The following SNX30 variants were observed in gnomAD, a reference collection of about 807,000 sequenced individuals.
SNX30 encodes sorting nexin-30.
SNX30 carries 24 observed loss-of-function variants against 46.4 expected under a neutral mutation model. The observed-to-expected ratio is 0.52, with a 90% CI of 0.37 to 0.73. The LOEUF is 0.73. SNX30 is among the 30% of genes least tolerant of loss of function. The pLI, the probability that SNX30 is intolerant of heterozygous loss-of-function variation, is 0.00. For synonymous variants in SNX30, 189 were observed against 211.5 expected (o/e 0.89, Z 0.92); for missense variants, 533 against 555.7 (o/e 0.96, Z 0.41).
At chr9:112,760,645 A>T (rs751553762) in intron 1 of SNX30, among the ~76,000 whole-genome samples, 1 of 152,222 alleles carries the variant, frequency 6.6e-6, no homozygotes, top group African/African-American at 2.4e-5. Context: ...CGACTGTGCC[A>T]GCTGTGCCTG....
chr9:112,773,494 A>G (rs1180761148), intron 1 of SNX30, among the ~76,000 whole-genome samples: 4 of 152,102 alleles, frequency 2.6e-5, no homozygotes, highest in African/African-American at 9.7e-5. Flanking sequence ...GGCTCAAGCA[A>G]TCTTCCCAAG....
chr9:112,830,677 T>G (rs764716055), intron 3 of SNX30, 48 bp from the exon 4 acceptor site: 35 of 1,571,058 alleles, frequency 2.2e-5, no homozygotes, highest in Non-Finnish European at 1.3e-5. Context: ...TGTTTTTCCT[T>G]GCACCATCTC....
chr9:112,865,329 C>A (rs1841307417), intron 8 of SNX30, among the ~76,000 whole-genome samples: 1 of 151,966 alleles, frequency 6.6e-6, no homozygotes, highest in African/African-American at 2.4e-5. Flanking sequence ...GTATGTCCAG[C>A]AAACCAGTGC....
chr9:112,781,108 A>G (rs1276663264), intron 1 of SNX30, among the ~76,000 whole-genome samples: 2 of 152,218 alleles, frequency 1.3e-5, no homozygotes, highest in Admixed American at 1.3e-4. Context: ...GGTGTCCTGA[A>G]TATATTTTTA....
At chr9:112,863,675 G>C (rs995746783) in intron 7 of SNX30, among the ~76,000 whole-genome samples, 1 of 152,290 alleles carries the variant, frequency 6.6e-6, no homozygotes, top group East Asian at 1.9e-4. Context: ...ATTGGGAAAA[G>C]CATAAACAAG....
chr9:112,850,721 A>G (rs1242330441), intron 6 of SNX30, 138 bp from the exon 7 acceptor site: 2 of 516,386 alleles, frequency 3.9e-6, no homozygotes, highest in Non-Finnish European at 7.0e-6. Flanking sequence ...CCATGGCCAG[A>G]CTGTCCTAGG....
At chr9:112,820,348 A>G (rs1012982005) in intron 3 of SNX30, among the ~76,000 whole-genome samples, 2 of 152,168 alleles carry the variant, frequency 1.3e-5, no homozygotes, top group African/African-American at 4.8e-5. Flanking sequence ...CATCCGCTAC[A>G]AAAAAATTTT....
chr9:112,846,509 C>T (rs773136365), intron 6 of SNX30, among the ~76,000 whole-genome samples: 1 of 152,132 alleles, frequency 6.6e-6, no homozygotes, highest in East Asian at 1.9e-4. Context: ...GTGATATCAC[C>T]AGTACCAGAT....
intron 1 of SNX30, among the ~76,000 whole-genome samples, chr9:112,755,142 T>TTGTACTG (rs1310674642): frequency 4.6e-5 from 7 of 152,194 alleles, no homozygotes; most frequent in Non-Finnish European, 8.8e-5. Context: ...TTCAGCAAGT[T>TTGTACTG]TGTACTGTAT....
At chr9:112,779,179 G>A (rs1416741141) in intron 1 of SNX30, among the ~76,000 whole-genome samples, 1 of 152,350 alleles carries the variant, frequency 6.6e-6, no homozygotes, top group East Asian at 1.9e-4. Flanking sequence ...TTGCCTGTGA[G>A]GGCTCTAGCT....
chr9:112,864,170 A>G (rs1009770015), intron 7 of SNX30, 77 bp from the exon 8 acceptor site: 2 of 1,465,834 alleles, frequency 1.4e-6, no homozygotes, highest in African/African-American at 1.4e-5. Flanking sequence ...CCTTTGACAA[A>G]TGTGTGCTCA....
intron 6 of SNX30, among the ~76,000 whole-genome samples, chr9:112,848,651 G>C (rs567680686): frequency 1.3e-5 from 2 of 152,346 alleles, no homozygotes; most frequent in South Asian, 2.1e-4. Flanking sequence ...ATGCAGGGCT[G>C]TTAGGGCGGA....
intron 8 of SNX30, among the ~76,000 whole-genome samples, chr9:112,865,661 A>ATATATAATGTGTG: frequency 8.5e-5 from 9 of 105,702 alleles, no homozygotes; most frequent in African/African-American, 3.0e-4. Context: ...ATATATATAT[A>ATATATAATGTGTG]TGTATGTATG....
Position 112,795,746 on chromosome 9 carries a change from A to G in SNX30, c.157-9030A>G, listed in dbSNP as rs75597303. Among the ~76,000 whole-genome samples, 531 of 136,736 alleles carry G rather than the reference A, an allele frequency of 3.9e-3. 4 individuals are homozygous for G. The highest frequency in any genetic ancestry group is 0.015 in the African/African-American group (520 of 35,770). The allele number at this position is 136,736 out of a possible 152,430, so 89.7% of individuals were successfully genotyped here. A position where few individuals can be genotyped will look rare whatever the true frequency, so the allele number is the denominator to read the frequency against. ...TGGGGAGACAGAAAGATAATCACAC[A>G]CACACACTCACAGTACAGTCACACA... On this transcript the variant is annotated intron_variant, in intron 1 of 8. Coordinates refer to ENST00000374232, the MANE Select transcript of SNX30 (RefSeq NM_001012994.2).
At chr9:112,818,302 A>G (rs1319457836) in intron 3 of SNX30, among the ~76,000 whole-genome samples, 1 of 151,186 alleles carries the variant, frequency 6.6e-6, no homozygotes, top group Admixed American at 6.6e-5. Context: ...CCCAGGTTCA[A>G]GTGGATCACC....
intron 1 of SNX30, among the ~76,000 whole-genome samples, chr9:112,793,682 A>G (rs1244192429): frequency 1.3e-5 from 2 of 152,156 alleles, no homozygotes; most frequent in Non-Finnish European, 2.9e-5. Context: ...GTTGTGGCCC[A>G]GGTAGAACCA....
intron 1 of SNX30, among the ~76,000 whole-genome samples, chr9:112,804,399 AGGTGAGCCACCT>A (rs1024912759): frequency 6.6e-6 from 1 of 152,180 alleles, no homozygotes; most frequent in African/African-American, 2.4e-5. Flanking sequence ...TCGTGACCTC[AGGTGAGCCACCT>A]GTCTCGGCCT....
intron 2 of SNX30, among the ~76,000 whole-genome samples, chr9:112,808,493 G>T (rs1245443678): frequency 6.6e-6 from 1 of 152,264 alleles, no homozygotes; most frequent in East Asian, 1.9e-4. Flanking sequence ...TTTTTTTCTG[G>T]AGACTACAAG....
rs1841402312 is a variant in SNX30, at chr9:112,868,889, C to A, written c.*46C>A. 3 of 1,576,432 alleles carry A rather than the reference C, an allele frequency of 1.9e-6. No individual in the cohort carries two copies. The highest frequency in any genetic ancestry group is 1.1e-5 in the South Asian group (1 of 90,382). Reference sequence around the variant, plus strand: ...ACTCTTCTACCTACACAGGGCCTGGCACCCTATACCGGAATGTCCCTGCAG... The same window carrying A: ...ACTCTTCTACCTACACAGGGCCTGGAACCCTATACCGGAATGTCCCTGCAG... On this transcript the variant is annotated 3_prime_UTR_variant, in exon 9 of 9. Coordinates refer to ENST00000374232, the MANE Select transcript of SNX30 (RefSeq NM_001012994.2).
Sources: gnomAD v4.1 joint callset for allele counts (sites outside exome capture counted in the v4.1 genomes callset) on GRCh38, gnomAD v4.1.1 for gene constraint, MANE v1.5 for transcripts, NCBI Gene and HGNC (gene_info 2026-07-23, HGNC 2026-07-21) for gene names.